ZNF875: variants seen among roughly 807,000 people sequenced by gnomAD.
The protein encoded by ZNF875 is zinc finger protein 875.
Under a neutral mutation model 11.2 loss-of-function variants are expected in ZNF875, and 14 were observed. That is an observed-to-expected ratio of 1.26 (90% confidence interval 0.83 to 1.96). The LOEUF is 1.96. Ranked by LOEUF, ZNF875 falls within the 30% of genes most tolerant of loss-of-function variation. The probability of loss-of-function intolerance (pLI) is 0.00; values close to 1 mark genes in which losing one functional copy is unlikely to be tolerated. For missense variants in ZNF875, 752 were observed against 760.4 expected, an observed-to-expected ratio of 0.99 and a Z score of 0.13; for synonymous variants, 301 against 281.1, an observed-to-expected ratio of 1.07 and a Z score of -0.71.
upstream of ZNF875, chr19:37,315,244 G>A (rs1055922927): frequency 2.0e-5 from 3 of 152,196 alleles, no homozygotes; most frequent in Non-Finnish European, 4.4e-5. Context: ...CTGGGAGTGG[G>A]TGCGTACTGA....
At chr19:37,342,409 ATT>A (rs66638698) in intron 2 of ZNF875, among the ~76,000 whole-genome samples, 8 of 135,740 alleles carry the variant, frequency 5.9e-5, no homozygotes, top group African/African-American at 8.5e-5. Context: ...ATCCAACTGA[ATT>A]TTTTTTTTTT....
chr19:37,333,601 G>A (rs2033736834), upstream of ZNF875, among the ~76,000 whole-genome samples: 1 of 152,092 alleles, frequency 6.6e-6, no homozygotes, highest in African/African-American at 2.4e-5. Flanking sequence ...TGCCTTGTGG[G>A]TGTGGCTTTG....
chr19:37,355,585 G>T (rs1221603001), intron 4 of ZNF875, among the ~76,000 whole-genome samples: 1 of 152,096 alleles, frequency 6.6e-6, no homozygotes, highest in Non-Finnish European at 1.5e-5. Flanking sequence ...CTTTGATACA[G>T]TCATTTTGCC....
intron 2 of ZNF875, among the ~76,000 whole-genome samples, chr19:37,340,023 C>T (rs147184223): frequency 2.0e-5 from 3 of 151,778 alleles, no homozygotes; most frequent in African/African-American, 7.3e-5. Flanking sequence ...ATTCTTGTTG[C>T]CCAGGCTGGA....
intron 2 of ZNF875, among the ~76,000 whole-genome samples, chr19:37,340,282 C>G (rs540403244): frequency 4.8e-4 from 73 of 152,042 alleles, no homozygotes; most frequent in African/African-American, 1.7e-3. Flanking sequence ...ACGCCCAGCC[C>G]TACTGTACAA....
rs535292857 is a variant in ZNF875 at position 37,353,684 on chromosome 19, G to T, written c.256+5812G>T. Among the ~76,000 whole-genome samples the T allele has an allele frequency of 9.2e-5, 14 of 152,232 alleles. No homozygotes were observed. The East Asian group carries it at 2.7e-3, about 29-fold the overall frequency. The stretch of plus-strand genomic sequence containing the variant: ...AAATTAACTGGAGATAGAATCGCTG[G>T]TTAACATATTTTTCTCTGGCATTGC... On this transcript the variant is annotated intron_variant, in intron 4 of 4. Transcript: ENST00000392153.
intron 2 of ZNF875, among the ~76,000 whole-genome samples, chr19:37,336,198 G>A (rs147227192): frequency 2.1e-3 from 316 of 152,158 alleles, no homozygotes; most frequent in African/African-American, 6.8e-3. Flanking sequence ...TGGGGGGAAG[G>A]CATTCCAGTG....
chr19:37,357,912 T>C (rs994687581), intron 4 of ZNF875: 29 of 398,424 alleles, frequency 7.3e-5, no homozygotes, highest in African/African-American at 4.7e-4. Flanking sequence ...CAGTACTAAG[T>C]TGAATACGAG....
chr19:37,331,490 T>C (rs1205537223), upstream of ZNF875, among the ~76,000 whole-genome samples: 1 of 151,124 alleles, frequency 6.6e-6, no homozygotes, highest in Non-Finnish European at 1.5e-5. Flanking sequence ...AAAATTCTTC[T>C]GCCTTGAGAT....
At chr19:37,331,385 C>T (rs112447286), upstream of ZNF875, among the ~76,000 whole-genome samples, 19 of 152,000 alleles carry the variant, frequency 1.3e-4, no homozygotes, top group East Asian at 6.0e-4. Flanking sequence ...GTGGCCACCA[C>T]GCCCATGTGG....
chr19:37,349,146 G>C (rs2037377278), intron 4 of ZNF875, among the ~76,000 whole-genome samples: 1 of 152,080 alleles, frequency 6.6e-6, no homozygotes, highest in African/African-American at 2.4e-5. Flanking sequence ...GTGTGTCTCT[G>C]TGTCCAAATT....
Position 37,363,694 on chromosome 19 carries a change from G to A in ZNF875, c.1842G>A (p.Lys614=). 6.2e-7 allele frequency: 1 copy of A among 1,613,532 alleles called. No individual in the cohort carries two copies. Among genetic ancestry groups the A allele is most frequent in the Non-Finnish European group, 8.5e-7 (1 of 1,179,602 alleles). The change falls in exon 5 of 5, where the codon AAG becomes AAA. Residue 614 remains lysine (K), a synonymous_variant. Transcript: ENST00000392153. ...ACCAGAGGACACATTCAGGAGAGAA[G>A]CCTTATATTTGCAGAAAGTGTGGAC... ...IRHQRTHSGE[K]PYICRKCGRG...
chr19:37,322,650 G>A (rs549867222), intron 2 of ZNF875, among the ~76,000 whole-genome samples: 1 of 152,266 alleles, frequency 6.6e-6, no homozygotes, highest in South Asian at 2.1e-4. Flanking sequence ...TGATTTCCAG[G>A]TTTACATCAG....
At chr19:37,335,141 C>A in intron 1 of ZNF875, 28 bp from the exon 2 acceptor site, 1 of 692,856 alleles carries the variant, frequency 1.4e-6, no homozygotes, top group African/African-American at 1.8e-5. Flanking sequence ...TCCACCTAGG[C>A]CACTCTTATT....
intron 4 of ZNF875, among the ~76,000 whole-genome samples, chr19:37,357,001 A>G (rs1311486905): frequency 6.6e-6 from 1 of 152,160 alleles, no homozygotes; most frequent in Admixed American, 6.5e-5. Context: ...TGATTTGTGT[A>G]TATGAGGGGG....
At chr19:37,328,559 C>T (rs909037993) in intron 4 of ZNF875, 1 of 152,206 alleles carries the variant, frequency 6.6e-6, no homozygotes, top group Non-Finnish European at 1.5e-5. Flanking sequence ...TGGTCACTCT[C>T]TTGCCCTTTT....
upstream of ZNF875, among the ~76,000 whole-genome samples, chr19:37,331,165 C>T (rs62109236): frequency 9.7e-3 from 1,149 of 118,104 alleles, 12 homozygotes; most frequent in African/African-American, 0.031. Flanking sequence ...CCAGCCTGGG[C>T]GACAGAGTGA....
At position 37,363,844 on chromosome 19, in the gene ZNF875, GACAC is replaced by G; in HGVS notation, c.*75_*78del. ...AGTCATACTTCATCAGACACCAGAG[GACAC>G]ACACAGTGCTGTGGCTTTTTCAGCC... On this transcript the variant is annotated 3_prime_UTR_variant, in exon 5 of 5. Transcript: ENST00000392153. The G allele has an allele frequency of 7.5e-7, 1 of 1,335,206 alleles. No homozygotes were observed. The highest frequency in any genetic ancestry group is 1.3e-5 in the South Asian group (1 of 79,596). The allele number at this position is 1,335,206 out of a possible 1,614,324, so 82.7% of individuals were successfully genotyped here.
chr19:37,327,774 A>C (rs2032736543), intron 4 of ZNF875, among the ~76,000 whole-genome samples: 1 of 152,038 alleles, frequency 6.6e-6, no homozygotes, highest in African/African-American at 2.4e-5. Flanking sequence ...AAAAAAAAAA[A>C]AAAATCATAC....
Sources: allele counts gnomAD v4.1 joint callset (sites outside exome capture counted in the v4.1 genomes callset), GRCh38; gene constraint gnomAD v4.1.1; transcripts MANE v1.5; gene names NCBI Gene and HGNC (gene_info 2026-07-23, HGNC 2026-07-21).